Variants in GALNT9 observed in about 807,000 individuals in gnomAD.
The protein encoded by GALNT9 is GalNAc transferase 9.
Under a neutral mutation model 63.1 loss-of-function variants are expected in GALNT9, and 47 were observed. The ratio of observed to expected loss-of-function variants is 0.75; its 90% confidence interval spans 0.59 to 0.95. The LOEUF (loss-of-function observed/expected upper bound fraction) is 0.95, where lower values mean the gene tolerates loss of function less well. GALNT9 is among the 40% of genes least tolerant of loss of function. The pLI is 0.00. For synonymous variants in GALNT9, 396 were observed against 365.7 expected (o/e 1.08, Z -0.94); for missense variants, 829 against 874.8 (o/e 0.95, Z 0.66).
intron 2 of GALNT9, chr12:132,278,848 G>A (rs1478457997): frequency 1.3e-5 from 2 of 152,222 alleles, no homozygotes; most frequent in African/African-American, 4.8e-5. Flanking sequence ...CTCAGTGCCC[G>A]AAGTCACTTC....
chr12:132,300,704 C>A (rs1208124854), intron 1 of GALNT9, among the ~76,000 whole-genome samples: 7 of 151,194 alleles, frequency 4.6e-5, no homozygotes, highest in Admixed American at 2.0e-4. Flanking sequence ...CATAACTAAC[C>A]CACTGCCACC....
At chr12:132,213,589 TCACA>T (rs551752725) in intron 6 of GALNT9, among the ~76,000 whole-genome samples, 4 of 151,620 alleles carry the variant, frequency 2.6e-5, no homozygotes, top group East Asian at 1.9e-4. Context: ...CTACACACAG[TCACA>T]CACACACACT....
At chr12:132,218,673 G>T (rs7306456) in intron 6 of GALNT9, among the ~76,000 whole-genome samples, 89,703 of 152,080 alleles carry the variant, frequency 0.59, 26,581 homozygotes, top group East Asian at 0.72. Flanking sequence ...TGTATTTATC[G>T]CTGGAAAGGC....
Position 132,295,775 on chromosome 12 carries a change from C to T in GALNT9, c.239-9345G>A, listed in dbSNP as rs545382145. 1.1e-3 allele frequency among the ~76,000 whole-genome samples: 164 copies of T among 151,494 alleles called. 2 individuals are homozygous for T. The highest frequency in any genetic ancestry group is 1.2e-3 in the Non-Finnish European group (79 of 67,906). ...AGAGCCTCCGAACAGCGAGAGCTTC[C>T]GAACAGGGACAGCCTCTGAACAGGG... is the stretch of plus-strand genomic sequence containing the variant. On this transcript the variant is annotated intron_variant, in intron 1 of 10. Transcript: ENST00000328957.
At chr12:132,284,824 G>A (rs1243248159) in intron 2 of GALNT9, among the ~76,000 whole-genome samples, 4 of 152,212 alleles carry the variant, frequency 2.6e-5, no homozygotes, top group African/African-American at 4.8e-5. Flanking sequence ...CACCTGGCTA[G>A]AACAGGGAGC....
intron 1 of GALNT9, among the ~76,000 whole-genome samples, chr12:132,293,431 C>T (rs191383961): frequency 6.6e-6 from 1 of 152,304 alleles, no homozygotes; most frequent in Non-Finnish European, 1.5e-5. Flanking sequence ...TATTTAATAC[C>T]TATTGACGAT....
chr12:132,269,637 G>A (rs926667039), intron 2 of GALNT9, among the ~76,000 whole-genome samples: 1 of 152,236 alleles, frequency 6.6e-6, no homozygotes, highest in African/African-American at 2.4e-5. Flanking sequence ...AGAAGTGACC[G>A]TGAAGAAAGC....
At chr12:132,298,354 C>T (rs1222634525) in intron 1 of GALNT9, among the ~76,000 whole-genome samples, 2 of 151,816 alleles carry the variant, frequency 1.3e-5, no homozygotes, top group Admixed American at 1.3e-4. Context: ...GCTGAGATAA[C>T]CCACTCCCAT....
intron 2 of GALNT9, chr12:132,284,639 T>G (rs1391615376): frequency 6.6e-6 from 1 of 152,252 alleles, no homozygotes; most frequent in East Asian, 1.9e-4. Flanking sequence ...CAAGCCTCCA[T>G]GCCCAGGCCT....
Position 132,282,021 on chromosome 12 carries a change from T to G in GALNT9, c.419+4229A>C, listed in dbSNP as rs1880370352. On this transcript the variant is annotated intron_variant, in intron 2 of 10. Coordinates refer to ENST00000328957, the MANE Select transcript of GALNT9 (RefSeq NM_001122636.2). This position sits in a 1 kb window ranked among gnomAD's most constrained non-coding sequence, Gnocchi z 4.5. ...ACTGCAGCAAGGCCAGGCCTGGGGG[T>G]CCCCGATCCCACAGAGGAGGAATCA... is the stretch of plus-strand genomic sequence containing the variant. Among the ~76,000 whole-genome samples, 1 of 108,988 alleles carries G rather than the reference T, an allele frequency of 9.2e-6. No individual in the cohort carries two copies. The highest frequency in any genetic ancestry group is 3.7e-5 in the African/African-American group (1 of 26,958). The allele number at this position is 108,988 out of a possible 152,430, so 71.5% of individuals were successfully genotyped here.
intron 8 of GALNT9, among the ~76,000 whole-genome samples, chr12:132,199,765 C>T (rs1875857777): frequency 6.6e-6 from 1 of 152,246 alleles, no homozygotes; most frequent in African/African-American, 2.4e-5. Context: ...GGGCAGCCAA[C>T]CTCCAGCCTC....
At chr12:132,247,641 G>T (rs782268168) in intron 6 of GALNT9, 57 of 491,082 alleles carry the variant, frequency 1.2e-4, no homozygotes, top group Middle Eastern at 3.1e-4. Context: ...ATCCCCAGAC[G>T]CCATGGCCGC....
intron 5 of GALNT9, among the ~76,000 whole-genome samples, chr12:132,256,184 G>A (rs1555239070): frequency 6.6e-6 from 1 of 152,124 alleles, no homozygotes; most frequent in African/African-American, 2.4e-5. Flanking sequence ...GAACACTGCT[G>A]CCCTGGAACT....
At chr12:132,291,556 G>A (rs547115244) in intron 1 of GALNT9, among the ~76,000 whole-genome samples, 1 of 131,046 alleles carries the variant, frequency 7.6e-6, no homozygotes, top group East Asian at 2.3e-4. Flanking sequence ...GACATCCACA[G>A]CACCCACAAC....
At chr12:132,259,741 C>T (rs1240864505) in intron 4 of GALNT9, among the ~76,000 whole-genome samples, 32 of 152,228 alleles carry the variant, frequency 2.1e-4, no homozygotes, top group African/African-American at 7.0e-4. Context: ...ATGACAGTCC[C>T]AGCCTCCGTG....
chr12:132,231,259 T>C (rs1877884035), intron 6 of GALNT9, among the ~76,000 whole-genome samples: 1 of 31,832 alleles, frequency 3.1e-5, no homozygotes, highest in Admixed American at 3.1e-4. Flanking sequence ...GAGTCCCTAG[T>C]GCCACACACT....
intron 7 of GALNT9, among the ~76,000 whole-genome samples, chr12:132,202,319 C>T (rs962916233): frequency 1.3e-5 from 2 of 152,178 alleles, no homozygotes; most frequent in African/African-American, 4.8e-5. Context: ...GAAAACAAGG[C>T]TGTAGGAGCA....
At chr12:132,328,630 C>A (rs1022356492) in intron 1 of GALNT9, among the ~76,000 whole-genome samples, 1 of 152,188 alleles carries the variant, frequency 6.6e-6, no homozygotes, top group Non-Finnish European at 1.5e-5. Context: ...GCCAGCCCCC[C>A]ACCCCACACT....
chr12:132,199,164 C>G lies in GALNT9; in HGVS notation c.1497+10G>C, dbSNP rs751117896. 2 of 1,575,646 alleles carry G rather than the reference C, an allele frequency of 1.3e-6. No individual in the cohort carries two copies. The highest frequency in any genetic ancestry group is 2.2e-5 in the South Asian group (2 of 90,558). On this transcript the variant is annotated intron_variant, in intron 9 of 10. Transcript: ENST00000328957. ...TTGGGAGCTGCATGGGTGGCCGCTG[C>G]TACTCCTACCTGGGAGGACATCCCG...
Sources: allele counts gnomAD v4.1 joint callset (sites outside exome capture counted in the v4.1 genomes callset), GRCh38; gene constraint gnomAD v4.1.1; non-coding constraint Gnocchi (gnomAD v3.1); transcripts MANE v1.5; gene names NCBI Gene and HGNC (gene_info 2026-07-23, HGNC 2026-07-21).